Variants in NRCAM observed in about 807,000 individuals in gnomAD.
The protein encoded by NRCAM is neuronal cell adhesion molecule, also known as NgCAM-related cell adhesion molecule.
A neutral mutation model predicts 156.5 loss-of-function variants in NRCAM; 83 were observed. The observed-to-expected ratio is 0.53, with a 90% CI of 0.44 to 0.64. The LOEUF is 0.64. Among genes scored for constraint, NRCAM ranks in the 30% least tolerant of loss-of-function variants. The probability of loss-of-function intolerance (pLI) is 0.00; values close to 1 mark genes in which losing one functional copy is unlikely to be tolerated. For missense variants in NRCAM, 1,417 were observed against 1,597.3 expected, an observed-to-expected ratio of 0.89 and a Z score of 1.92; for synonymous variants, 538 against 563.9, an observed-to-expected ratio of 0.95 and a Z score of 0.65.
At chr7:108,409,687 T>C (rs1049693410) in intron 1 of NRCAM, among the ~76,000 whole-genome samples, 3 of 152,222 alleles carry the variant, frequency 2.0e-5, no homozygotes, top group African/African-American at 7.2e-5. Context: ...CAACAGCATC[T>C]TATATGTAAC....
At chr7:108,430,174 G>GT (rs748543635) in intron 1 of NRCAM, among the ~76,000 whole-genome samples, 1 of 151,988 alleles carries the variant, frequency 6.6e-6, no homozygotes, top group Non-Finnish European at 1.5e-5. Context: ...TTCGTTTTTG[G>GT]TAAGAATCTT....
At chr7:108,350,705 T>C (rs552030894) in intron 2 of NRCAM, among the ~76,000 whole-genome samples, 2 of 152,372 alleles carry the variant, frequency 1.3e-5, no homozygotes, top group Non-Finnish European at 1.5e-5. Context: ...TCTCAGAGTT[T>C]GTTTTGGGGA....
chr7:108,348,700 G>A (rs1356903202), intron 2 of NRCAM, among the ~76,000 whole-genome samples: 4 of 151,954 alleles, frequency 2.6e-5, no homozygotes, highest in African/African-American at 9.7e-5. Context: ...GATCACTGGA[G>A]GTCAGGAGTT....
chr7:108,344,266 TACCTC>T (rs1444725212), intron 2 of NRCAM, among the ~76,000 whole-genome samples: 4 of 152,112 alleles, frequency 2.6e-5, no homozygotes, highest in Non-Finnish European at 4.4e-5. Context: ...GCTTGCAACT[TACCTC>T]ACACCCGACC....
chr7:108,441,319 CT>C (rs1838276412), intron 1 of NRCAM, among the ~76,000 whole-genome samples: 1 of 152,110 alleles, frequency 6.6e-6, no homozygotes, highest in African/African-American at 2.4e-5. Context: ...GGGTCATTTG[CT>C]TTTTGCAATC....
intron 2 of NRCAM, among the ~76,000 whole-genome samples, chr7:108,393,358 T>C (rs545085015): frequency 6.6e-6 from 1 of 152,260 alleles, no homozygotes; most frequent in East Asian, 1.9e-4. Flanking sequence ...CGTGGGACCC[T>C]CCGAGCCAGG....
chr7:108,150,629 A>G (rs2040848317), intron 32 of NRCAM: 2 of 504,268 alleles, frequency 4.0e-6, no homozygotes, highest in Non-Finnish European at 7.9e-6. Context: ...CAGAAGGAGA[A>G]GCAAAATCCT....
chr7:108,376,179 C>A lies in NRCAM; in HGVS notation c.-174+23257G>T, dbSNP rs566023453. ...TCCCTGACTTTTTCCAGCCAAGGGGCAGCCATGTGATCCCAGCTTGGTCAA... is the reference window on the plus strand; with the variant it reads ...TCCCTGACTTTTTCCAGCCAAGGGGAAGCCATGTGATCCCAGCTTGGTCAA... On this transcript the variant is annotated intron_variant, in intron 2 of 32. Transcript: ENST00000379028. Among the ~76,000 whole-genome samples, 10 of 152,294 alleles carry A rather than the reference C, an allele frequency of 6.6e-5. No homozygotes were observed. The South Asian group carries it at 2.1e-3, about 32-fold the overall frequency.
intron 3 of NRCAM, among the ~76,000 whole-genome samples, chr7:108,258,192 C>T (rs552840002): frequency 4.6e-5 from 7 of 152,104 alleles, no homozygotes; most frequent in African/African-American, 1.2e-4. Flanking sequence ...GCTTCAGGGC[C>T]GAAACATGCT....
intron 7 of NRCAM, among the ~76,000 whole-genome samples, chr7:108,231,563 G>A (rs2094334177): frequency 6.6e-6 from 1 of 152,076 alleles, no homozygotes; most frequent in African/African-American, 2.4e-5. Flanking sequence ...TTATAAGATC[G>A]CTATGGGAAT....
chr7:108,373,148 A>G (rs1045370866), intron 2 of NRCAM, among the ~76,000 whole-genome samples: 9 of 152,196 alleles, frequency 5.9e-5, no homozygotes, highest in Admixed American at 5.9e-4. Flanking sequence ...AAAATAGTCA[A>G]ATTCATAGAA....
At chr7:108,278,806 G>A (rs2154079968) in intron 3 of NRCAM, among the ~76,000 whole-genome samples, 1 of 152,358 alleles carries the variant, frequency 6.6e-6, no homozygotes, top group East Asian at 1.9e-4. Flanking sequence ...AGGTACCTCA[G>A]TTGGAAATGC....
At chr7:108,211,849 T>C (rs1195002481) in intron 11 of NRCAM, among the ~76,000 whole-genome samples, 1 of 151,960 alleles carries the variant, frequency 6.6e-6, no homozygotes, top group Non-Finnish European at 1.5e-5. Context: ...GGGCATATAA[T>C]CTTGGGAGTT....
intron 13 of NRCAM, 161 bp downstream of exon 13, chr7:108,207,367 C>G: frequency 1.7e-6 from 1 of 584,930 alleles, no homozygotes; most frequent in South Asian, 2.6e-5. Flanking sequence ...TAATAAATAT[C>G]TAATGGTAAT....
At chr7:108,258,781 A>T (rs754188329) in intron 3 of NRCAM, among the ~76,000 whole-genome samples, 1 of 152,200 alleles carries the variant, frequency 6.6e-6, no homozygotes, top group East Asian at 1.9e-4. Flanking sequence ...AAAGCCTAAC[A>T]AACAAGCACT....
At chr7:108,351,910 T>C (rs1183602489) in intron 2 of NRCAM, among the ~76,000 whole-genome samples, 1 of 152,194 alleles carries the variant, frequency 6.6e-6, no homozygotes, top group African/African-American at 2.4e-5. Flanking sequence ...TAGTCATCCA[T>C]AGCAAGGCTA....
intron 2 of NRCAM, chr7:108,313,292 A>G (rs2098829392): frequency 6.6e-6 from 1 of 152,218 alleles, no homozygotes; most frequent in Admixed American, 6.5e-5. Context: ...TTTCCTTTGC[A>G]AATAGTCCAG....
At chr7:108,448,596 AT>A (rs1322971722) in intron 1 of NRCAM, among the ~76,000 whole-genome samples, 7 of 149,886 alleles carry the variant, frequency 4.7e-5, no homozygotes, top group Non-Finnish European at 7.4e-5. Flanking sequence ...TATTTCACTT[AT>A]TATAATACAT....
chr7:108,298,252 A>G (rs2098492406), intron 3 of NRCAM, among the ~76,000 whole-genome samples: 2 of 152,104 alleles, frequency 1.3e-5, no homozygotes, highest in African/African-American at 2.4e-5. Flanking sequence ...AATTATTATA[A>G]TCTAAGCAGG....
Sources: allele counts gnomAD v4.1 joint callset (sites outside exome capture counted in the v4.1 genomes callset), GRCh38; gene constraint gnomAD v4.1.1; transcripts MANE v1.5; gene names NCBI Gene and HGNC (gene_info 2026-07-23, HGNC 2026-07-21).